Variants in PIEZO2 observed in about 807,000 individuals in gnomAD.
PIEZO2 encodes the protein piezo-type mechanosensitive ion channel component 2.
A neutral mutation model predicts 337.3 loss-of-function variants in PIEZO2; 172 were observed. The observed-to-expected ratio is 0.51, with a 90% confidence interval of 0.45 to 0.58. The LOEUF is 0.58. PIEZO2 is among the 20% of genes least tolerant of loss of function. PIEZO2 has a pLI of 0.00. For missense variants in PIEZO2, 3,028 were observed against 3,391.3 expected, an observed-to-expected ratio of 0.89 and a Z score of 2.66; for synonymous variants, 1,251 against 1,228.5, an observed-to-expected ratio of 1.02 and a Z score of -0.38.
intron 7 of PIEZO2, among the ~76,000 whole-genome samples, chr18:10,811,864 C>T (rs955788567): frequency 7.2e-5 from 11 of 152,210 alleles, no homozygotes; most frequent in Admixed American, 1.3e-4. Flanking sequence ...GACGGAGTCT[C>T]GCTCTGTCGC....
At chr18:11,010,207 C>A (rs2035847722) in intron 2 of PIEZO2, among the ~76,000 whole-genome samples, 1 of 152,146 alleles carries the variant, frequency 6.6e-6, no homozygotes, top group African/African-American at 2.4e-5. Context: ...GTGCTAGATG[C>A]TATGGATAGC....
chr18:11,097,488 C>T lies in PIEZO2; in HGVS notation c.65-31266G>A, dbSNP rs1426827527. Among the ~76,000 whole-genome samples the T allele has an allele frequency of 1.3e-5, 2 of 152,194 alleles. No individual in the cohort carries two copies. The highest frequency in any genetic ancestry group is 2.9e-5 in the Non-Finnish European group (2 of 68,042). On this transcript the variant is annotated intron_variant, in intron 1 of 55. Coordinates refer to ENST00000674853, the MANE Select transcript of PIEZO2 (RefSeq NM_001378183.1). This position sits in a 1 kb window ranked among gnomAD's most constrained non-coding sequence, Gnocchi z 5.0. ...AGTCCAGAGTTTACTACAGAGAAAG[C>T]CCTGAACTGGGGAGCCCTCTGACCA...
rs1228568368 is a variant in PIEZO2, at chr18:11,148,104, C to A, written c.64+421G>T. ...GGGATTTGGGGTCTGGGAGAGATGGCCTCTGGGCCGTCTGGAGGCACAGCA... is the reference window on the plus strand; with the variant it reads ...GGGATTTGGGGTCTGGGAGAGATGGACTCTGGGCCGTCTGGAGGCACAGCA... On this transcript the variant is annotated intron_variant, in intron 1 of 55. Coordinates refer to ENST00000674853, the MANE Select transcript of PIEZO2 (RefSeq NM_001378183.1). The surrounding 1 kb of genome is among the most constrained non-coding windows in gnomAD (Gnocchi z 5.2). 6.6e-6 allele frequency among the ~76,000 whole-genome samples: 1 copy of A among 152,086 alleles called. No homozygotes were observed. The highest frequency in any genetic ancestry group is 1.5e-5 in the Non-Finnish European group (1 of 68,020).
intron 7 of PIEZO2, among the ~76,000 whole-genome samples, chr18:10,843,688 ATGCTACTTGATAC>A (rs2144620917): frequency 1.3e-5 from 2 of 152,318 alleles, no homozygotes; most frequent in South Asian, 4.2e-4. Flanking sequence ...GCATGCTGAC[ATGCTACTTGATAC>A]TGAGAGACAC....
At chr18:11,073,168 C>T (rs1271015608) in intron 1 of PIEZO2, among the ~76,000 whole-genome samples, 1 of 152,170 alleles carries the variant, frequency 6.6e-6, no homozygotes, top group African/African-American at 2.4e-5. Context: ...CAAAGTCCAA[C>T]AAGCTATGGA....
intron 3 of PIEZO2, among the ~76,000 whole-genome samples, chr18:10,917,659 A>T (rs1381257228): frequency 6.6e-6 from 1 of 152,208 alleles, no homozygotes; most frequent in Non-Finnish European, 1.5e-5. Context: ...GCTGAGAGCC[A>T]CCTGAATGTG....
intron 3 of PIEZO2, among the ~76,000 whole-genome samples, chr18:10,912,955 TGAGTAG>T (rs1190480261): frequency 4.6e-5 from 7 of 151,880 alleles, no homozygotes; most frequent in Non-Finnish European, 7.4e-5. Flanking sequence ...TATGTTTTGC[TGAGTAG>T]GAGTAAAAAA....
intron 4 of PIEZO2, among the ~76,000 whole-genome samples, chr18:10,882,512 T>A (rs1470290463): frequency 6.6e-6 from 1 of 152,232 alleles, no homozygotes; most frequent in Non-Finnish European, 1.5e-5. Context: ...TTTATACAAT[T>A]ACATTCAAAC....
intron 50 of PIEZO2, 116 bp downstream of exon 50, chr18:10,681,988 A>G: frequency 9.7e-7 from 1 of 1,033,748 alleles, no homozygotes; most frequent in Non-Finnish European, 1.4e-6. Context: ...TTTGCTGAGC[A>G]GTCAAATGCC....
chr18:10,961,180 CAA>C (rs576531265), intron 3 of PIEZO2, among the ~76,000 whole-genome samples: 12 of 117,436 alleles, frequency 1.0e-4, no homozygotes, highest in Admixed American at 1.8e-4. Context: ...GACTCCATCT[CAA>C]AAAAAAAAAA....
At chr18:11,040,051 T>A (rs1284789435) in intron 2 of PIEZO2, among the ~76,000 whole-genome samples, 1 of 152,066 alleles carries the variant, frequency 6.6e-6, no homozygotes, top group Non-Finnish European at 1.5e-5. Flanking sequence ...TGAACCTGCT[T>A]TAACTTTTCA....
rs2034070259 is a variant in PIEZO2 at position 10,677,671 on chromosome 18, TG to T, written c.8081+75del. The T allele has an allele frequency of 6.7e-7, 1 of 1,498,922 alleles. No homozygotes were observed. The highest frequency in any genetic ancestry group is 2.3e-5 in the East Asian group (1 of 43,650). The allele number at this position is 1,498,922 out of a possible 1,614,324, so 92.9% of individuals were successfully genotyped here. On this transcript the variant is annotated intron_variant, in intron 53 of 55. Transcript: ENST00000674853. The surrounding 1 kb of genome is among the most constrained non-coding windows in gnomAD (Gnocchi z 4.1). The stretch of plus-strand genomic sequence containing the variant: ...AATGAAGTTGCATTCCTCATACACA[TG>T]AATCTGTAGATGGACATTTTGTACC...
Position 10,671,725 on chromosome 18 carries a change from T to A in PIEZO2, c.8400A>T (p.Glu2800Asp). 6.2e-7 allele frequency: 1 copy of A among 1,613,924 alleles called. No individual in the cohort carries two copies. Among genetic ancestry groups the A allele is most frequent in the Non-Finnish European group, 8.5e-7 (1 of 1,179,948 alleles). ...TGGAGTGAGAAATCCCACTGAAGAA[T>A]TCACGGACAAATTTCCCAATCACAA... is the stretch of plus-strand genomic sequence containing the variant. ...VVLVIGKFVR[E>D]FFSGISHSIM... Residue 2800 changes from glutamate (E) to aspartate (D), a missense_variant, in exon 56 of 56, where the codon GAA becomes GAT. Transcript: ENST00000674853.
chr18:10,788,142 C>G (rs769499716), intron 15 of PIEZO2, among the ~76,000 whole-genome samples: 2 of 152,054 alleles, frequency 1.3e-5, no homozygotes, highest in Non-Finnish European at 2.9e-5. Flanking sequence ...TGGCTCATGC[C>G]TGTAATCCCA....
At chr18:11,061,469 C>A (rs531219151) in intron 2 of PIEZO2, among the ~76,000 whole-genome samples, 2 of 151,714 alleles carry the variant, frequency 1.3e-5, no homozygotes, top group African/African-American at 4.8e-5. Context: ...TCAAATTGTT[C>A]CTGTTTGCAG....
chr18:10,871,236 C>T lies in PIEZO2; in HGVS notation c.492+17G>A, dbSNP rs2042131529. 9 of 1,532,702 alleles carry T rather than the reference C, an allele frequency of 5.9e-6. No homozygotes were observed. The highest frequency in any genetic ancestry group is 1.4e-5 in the African/African-American group (1 of 72,914). 94.9% of individuals were successfully genotyped at this position (1,532,702 alleles called of 1,614,324 possible). On this transcript the variant is annotated intron_variant, in intron 5 of 55. Coordinates refer to ENST00000674853, the MANE Select transcript of PIEZO2 (RefSeq NM_001378183.1). ...CCTCAGAAATCAAAGAAGGAAGAGA[C>T]ATGGAGTTGGATTTACCAATTCTTC...
At chr18:10,782,742 G>A (rs2039076409) in intron 17 of PIEZO2, among the ~76,000 whole-genome samples, 2 of 151,646 alleles carry the variant, frequency 1.3e-5, no homozygotes, top group South Asian at 4.1e-4. Flanking sequence ...TCTGCCATGG[G>A]GTGCAGGGTA....
intron 5 of PIEZO2, among the ~76,000 whole-genome samples, chr18:10,866,900 C>T (rs762810118): frequency 8.5e-5 from 13 of 152,146 alleles, no homozygotes; most frequent in Non-Finnish European, 1.6e-4. Flanking sequence ...AAAGTGTTTT[C>T]CCCAAGAAGG....
At chr18:10,787,215 A>T (rs1365776184) in intron 15 of PIEZO2, 31 bp from the exon 16 acceptor site, 7 of 1,488,218 alleles carry the variant, frequency 4.7e-6, no homozygotes, top group Non-Finnish European at 6.2e-6. Context: ...AAAAAAAATG[A>T]GAAAAAATCA....
Sources: allele counts gnomAD v4.1 joint callset (sites outside exome capture counted in the v4.1 genomes callset), GRCh38; gene constraint gnomAD v4.1.1; non-coding constraint Gnocchi (gnomAD v3.1); transcripts MANE v1.5; gene names NCBI Gene and HGNC (gene_info 2026-07-23, HGNC 2026-07-21).